The following ZWILCH variants were observed in gnomAD, a reference collection of about 807,000 sequenced individuals.
ZWILCH encodes zwilch kinetochore protein.
ZWILCH carries 74 observed loss-of-function variants against 79.9 expected under a neutral mutation model. That is an observed-to-expected ratio of 0.93 (90% CI 0.77 to 1.12). ZWILCH has a LOEUF of 1.12. Ranked by LOEUF, ZWILCH falls within the 50% of genes most tolerant of loss-of-function variation. The pLI, the probability that ZWILCH is intolerant of heterozygous loss-of-function variation, is 0.00. For missense variants in ZWILCH, 694 were observed against 687.5 expected, an observed-to-expected ratio of 1.01 and a Z score of -0.11; for synonymous variants, 241 against 228.2, an observed-to-expected ratio of 1.06 and a Z score of -0.51.
At chr15:66,542,226 G>A (rs1470184316) in intron 17 of ZWILCH, among the ~76,000 whole-genome samples, 2 of 151,960 alleles carry the variant, frequency 1.3e-5, no homozygotes, top group Non-Finnish European at 2.9e-5. Context: ...CGAGGTGGGC[G>A]GATCACAAGG....
chr15:66,538,854 C>T (rs1895104635), intron 16 of ZWILCH, among the ~76,000 whole-genome samples: 3 of 152,184 alleles, frequency 2.0e-5, no homozygotes, highest in Non-Finnish European at 2.9e-5. Flanking sequence ...TGCCACTTTT[C>T]ACCAGAACTC....
chr15:66,533,873 A>G (rs1894930152), intron 14 of ZWILCH, among the ~76,000 whole-genome samples: 1 of 152,134 alleles, frequency 6.6e-6, no homozygotes, highest in Non-Finnish European at 1.5e-5. Context: ...TAATCCCAAC[A>G]CTTTGGGAGG....
At position 66,535,955 on chromosome 15, in the gene ZWILCH, T is replaced by C. The variant is rs1219848512; in HGVS notation, c.1364T>C (p.Val455Ala). ...NHLEYFIAPS[V>A]DIQEQVYRVQ... Reference sequence around the variant, plus strand: ...CAGGAATACTTCATTGCTCCATCAGTAGATATACAAGAACAGGTTTATCGT... The same window carrying C: ...CAGGAATACTTCATTGCTCCATCAGCAGATATACAAGAACAGGTTTATCGT... Residue 455 changes from valine to alanine, a missense_variant, in exon 15 of 19, where the codon GTA becomes GCA. Physicochemically the swap from Val to Ala is moderately conservative, Grantham distance 64 (BLOSUM62 0). Coordinates refer to ENST00000307897, the MANE Select transcript of ZWILCH (RefSeq NM_017975.5). 5 of 1,608,308 alleles carry C rather than the reference T, an allele frequency of 3.1e-6. No individual in the cohort carries two copies. The highest frequency in any genetic ancestry group is 4.2e-6 in the Non-Finnish European group (5 of 1,178,604).
At chr15:66,539,973 G>A (rs1328671751) in intron 16 of ZWILCH, 125 bp from the exon 17 acceptor site, 12 of 565,762 alleles carry the variant, frequency 2.1e-5, no homozygotes, top group Non-Finnish European at 3.8e-5. Context: ...GGCGGGAATT[G>A]TGACCCGTTT....
chr15:66,515,436 T>G, intron 3 of ZWILCH, 90 bp from the exon 4 acceptor site: 1 of 813,174 alleles, frequency 1.2e-6, no homozygotes, highest in Admixed American at 2.5e-5. Context: ...CATTATGTTC[T>G]ACTTGTCATT....
intron 17 of ZWILCH, among the ~76,000 whole-genome samples, chr15:66,540,720 C>G (rs1895167019): frequency 6.6e-6 from 1 of 150,672 alleles, no homozygotes; most frequent in South Asian, 2.1e-4. Context: ...CCTCCGCCTC[C>G]TGGGTTCAAG....
intron 8 of ZWILCH, among the ~76,000 whole-genome samples, chr15:66,526,342 G>A (rs1296747420): frequency 6.6e-6 from 1 of 152,064 alleles, no homozygotes; most frequent in Non-Finnish European, 1.5e-5. Flanking sequence ...ACCCTGGTTG[G>A]GATCACACCA....
At position 66,527,301 on chromosome 15, in the gene ZWILCH, T is replaced by A. The variant is rs149603367; in HGVS notation, c.831T>A (p.Asp277Glu). Residue 277 changes from aspartate (D) to glutamate (E), a missense_variant, in exon 9 of 19, where the codon GAT becomes GAA. Transcript: ENST00000307897. ...TAAATCTCCTGTAGGTTTTGGCTGA[T>A]GGTTTGAGGACTGGTGTCACTGAAT... ...RELKFLLVLA[D>E]GLRTGVTEWL... 163 of 1,613,976 alleles carry A rather than the reference T, an allele frequency of 1.0e-4. No homozygotes were observed. In the African/African-American group the frequency reaches 1.8e-3, roughly 18 times the overall value.
chr15:66,509,188 C>T (rs1893936733), intron 2 of ZWILCH, among the ~76,000 whole-genome samples: 1 of 152,154 alleles, frequency 6.6e-6, no homozygotes, highest in Non-Finnish European at 1.5e-5. Context: ...GATCCGCCCG[C>T]CTCGGCCTCC....
rs1894480673 is a variant in ZWILCH at position 66,521,148 on chromosome 15, C to G, written c.690C>G (p.Ser230=). The G allele has an allele frequency of 1.9e-6, 3 of 1,613,864 alleles. No individual in the cohort carries two copies. The African/African-American group carries it at 4.0e-5, about 22-fold the overall frequency. ...ASQTAIALDI[S]WSPVDEILQI... Reference sequence around the variant, plus strand: ...AAACTGCGATCGCTTTGGATATTTCCTGGAGTCCTGTGGATGAGATTCTTC... The same window carrying G: ...AAACTGCGATCGCTTTGGATATTTCGTGGAGTCCTGTGGATGAGATTCTTC... Residue 230 remains serine, a synonymous_variant, in exon 7 of 19, where the codon TCC becomes TCG. Transcript: ENST00000307897.
intron 14 of ZWILCH, among the ~76,000 whole-genome samples, chr15:66,534,471 CATT>C (rs1163554668): frequency 6.6e-6 from 1 of 152,078 alleles, no homozygotes; most frequent in Non-Finnish European, 1.5e-5. Flanking sequence ...AGAAATGTGT[CATT>C]ATTTTTTTAA....
At chr15:66,528,668 A>G (rs1400799785) in intron 10 of ZWILCH, among the ~76,000 whole-genome samples, 184 bp from the exon 11 acceptor site, 1 of 152,150 alleles carries the variant, frequency 6.6e-6, no homozygotes, top group East Asian at 1.9e-4. Context: ...TTAAAACAAT[A>G]TTAAGGGTCT....
chr15:66,547,929 G>C (rs188356002), intron 18 of ZWILCH: 8 of 152,690 alleles, frequency 5.2e-5, no homozygotes, highest in African/African-American at 1.7e-4. Flanking sequence ...TGGGATTACA[G>C]GTGCCCGCCA....
intron 16 of ZWILCH, among the ~76,000 whole-genome samples, chr15:66,538,138 T>C (rs756513121): frequency 2.0e-5 from 3 of 152,186 alleles, no homozygotes; most frequent in Non-Finnish European, 2.9e-5. Context: ...AGGGTCTCCT[T>C]GACTCTTCTC....
At chr15:66,540,047 TA>T in intron 16 of ZWILCH, 50 bp from the exon 17 acceptor site, 1 of 1,350,724 alleles carries the variant, frequency 7.4e-7, no homozygotes, top group Non-Finnish European at 1.0e-6. Context: ...GGGAAGGAAG[TA>T]AATGGCTGTT....
intron 15 of ZWILCH, among the ~76,000 whole-genome samples, chr15:66,536,711 A>C (rs1211704954): frequency 1.3e-5 from 2 of 151,838 alleles, no homozygotes; most frequent in Non-Finnish European, 2.9e-5. Flanking sequence ...TGAAATTGTT[A>C]TTGTTTATAG....
chr15:66,544,566 C>T (rs971242836), intron 17 of ZWILCH, among the ~76,000 whole-genome samples: 4 of 152,102 alleles, frequency 2.6e-5, no homozygotes, highest in Non-Finnish European at 4.4e-5. Flanking sequence ...TCTCAAACTC[C>T]TGAGCTGAAA....
Position 66,505,396 on chromosome 15 carries a change from G to C in ZWILCH, c.53+5G>C. 2.5e-6 allele frequency: 4 copies of C among 1,614,042 alleles called. No homozygotes were observed. The highest frequency in any genetic ancestry group is 3.4e-6 in the Non-Finnish European group (4 of 1,179,962). ...CTTTTATTCTCGTCTCCTTCAGTGA[G>C]TCTAGTCTCTTCTTTTGGCTGGGGT... On this transcript the variant is annotated splice_donor_5th_base_variant and intron_variant, in intron 1 of 18. Coordinates refer to ENST00000307897, the MANE Select transcript of ZWILCH (RefSeq NM_017975.5).
chr15:66,523,735 T>C lies in ZWILCH; in HGVS notation c.806T>C (p.Leu269Pro). ...RGPLNHLYRE[L>P]KFLLVLADGL... Reference sequence around the variant, plus strand: ...CCTTTGAATCATCTCTACAGAGAACTGAAATTTCTTCTTGTGAGTATCCTT... The same window carrying C: ...CCTTTGAATCATCTCTACAGAGAACCGAAATTTCTTCTTGTGAGTATCCTT... The change falls in exon 8 of 19, where the codon CTG becomes CCG. Residue 269 changes from leucine to proline, a missense_variant. Transcript: ENST00000307897. The C allele has an allele frequency of 6.2e-7, 1 of 1,609,024 alleles. No individual in the cohort carries two copies. Among genetic ancestry groups the C allele is most frequent in the Non-Finnish European group, 8.5e-7 (1 of 1,176,342 alleles).
Sources: allele counts gnomAD v4.1 joint callset (sites outside exome capture counted in the v4.1 genomes callset), GRCh38; gene constraint gnomAD v4.1.1; transcripts MANE v1.5; gene names NCBI Gene and HGNC (gene_info 2026-07-23, HGNC 2026-07-21).